Variants in HRURF observed in about 807,000 individuals in gnomAD.
HRURF encodes protein HRURF.
At chr8:22,130,695 G>C (rs1432152468) in exon 1 of HRURF, 1 of 152,354 alleles carries the variant, frequency 6.6e-6, no homozygotes. Context: ...GGCCGAGGCC[G>C]TAGGTTGCGC....
At chr8:22,130,861 A>AG (rs963991168), upstream of HRURF, 3 of 152,046 alleles carry the variant, frequency 2.0e-5, no homozygotes, top group Non-Finnish European at 4.4e-5. Flanking sequence ...GGGCCGGGGA[A>AG]GGGGGTCGTG....
chr8:22,130,479 GCACC>G (rs1827022593), downstream of HRURF: 1 of 152,204 alleles, frequency 6.6e-6, no homozygotes. Flanking sequence ...GTCGTGGCCG[GCACC>G]GGGCGCCTGC....
chr8:22,130,720 A>G (rs147674174), upstream of HRURF: 2,409 of 151,986 alleles, frequency 0.016, 19 homozygotes, highest in Non-Finnish European at 0.02. Context: ...GGACGCCGAG[A>G]CTCCGTGCTG....
upstream of HRURF, chr8:22,131,009 C>T (rs1424964196): frequency 6.6e-6 from 1 of 152,078 alleles, no homozygotes; most frequent in Non-Finnish European, 1.5e-5. Flanking sequence ...AGAAGCGCAA[C>T]TGAGAGTGGG....
At chr8:22,130,476 C>G (rs1314498451), downstream of HRURF, 1 of 152,208 alleles carries the variant, frequency 6.6e-6, no homozygotes, top group African/African-American at 2.4e-5. Flanking sequence ...GTCGTCGTGG[C>G]CGGCACCGGG....
chr8:22,130,975 G>C (rs1165079738), upstream of HRURF: 1 of 152,348 alleles, frequency 6.6e-6, no homozygotes, highest in East Asian at 1.9e-4. Context: ...GGAGAGCGCA[G>C]CAGGACCTCT....
At chr8:22,130,484 G>C (rs1302722101), downstream of HRURF, 1 of 152,196 alleles carries the variant, frequency 6.6e-6, no homozygotes, top group East Asian at 1.9e-4. Flanking sequence ...GGCCGGCACC[G>C]GGCGCCTGCT....
At chr8:22,131,002 A>C (rs6557841), upstream of HRURF, 98,439 of 152,186 alleles carry the variant, frequency 0.65, 32,486 homozygotes, top group African/African-American at 0.77. Flanking sequence ...CATCGCCAGA[A>C]GCGCAACTGA....
chr8:22,130,718 A>G (rs1827030540), upstream of HRURF: 1 of 152,160 alleles, frequency 6.6e-6, no homozygotes, highest in Non-Finnish European at 1.5e-5. Context: ...TGGGACGCCG[A>G]GACTCCGTGC....
At chr8:22,130,894 T>G (rs1827036045), upstream of HRURF, 1 of 152,156 alleles carries the variant, frequency 6.6e-6, no homozygotes, top group Non-Finnish European at 1.5e-5. Context: ...GGGCCGATCC[T>G]GGGACCCAGG....
At chr8:22,130,954 T>C (rs1487387777), upstream of HRURF, 4 of 152,164 alleles carry the variant, frequency 2.6e-5, no homozygotes, top group Admixed American at 2.6e-4. Context: ...CTAATGGAGG[T>C]AGAGCGCGGC....
upstream of HRURF, chr8:22,130,761 G>A (rs1256592439): frequency 6.6e-6 from 1 of 152,196 alleles, no homozygotes; most frequent in African/African-American, 2.4e-5. Context: ...CGGGGCTAGG[G>A]AGCGGGTGCC....
At chr8:22,130,846 C>G (rs1227563086), upstream of HRURF, 1 of 152,206 alleles carries the variant, frequency 6.6e-6, no homozygotes, top group African/African-American at 2.4e-5. Context: ...GGGGGAAAGG[C>G]CGAGGGGCCG....
At chr8:22,130,741 A>AGGGCC (rs1827031032), upstream of HRURF, 2 of 151,426 alleles carry the variant, frequency 1.3e-5, no homozygotes, top group Admixed American at 6.6e-5. Context: ...CGCCGCGGGG[A>AGGGCC]GGGCCGGGCC....
exon 1 of HRURF, chr8:22,130,666 T>C (rs1169809075): frequency 2.6e-5 from 4 of 152,118 alleles, no homozygotes; most frequent in Non-Finnish European, 2.9e-5. Flanking sequence ...ACGGCGCGGA[T>C]CGGCCGCACC....
At chr8:22,130,678 G>A (rs968769172) in exon 1 of HRURF, 1 of 152,436 alleles carries the variant, frequency 6.6e-6, no homozygotes, top group South Asian at 2.1e-4. Flanking sequence ...GGCCGCACCA[G>A]CTTCTGGGCC....
At chr8:22,130,854 C>G (rs941306775), upstream of HRURF, 1 of 152,220 alleles carries the variant, frequency 6.6e-6, no homozygotes, top group South Asian at 2.1e-4. Context: ...GGCCGAGGGG[C>G]CGGGGAAGGG....
chr8:22,130,797 C>T (rs1391238881), upstream of HRURF: 1 of 151,924 alleles, frequency 6.6e-6, no homozygotes, highest in Non-Finnish European at 1.5e-5. Context: ...GGCGCCGGGC[C>T]GGGGGGAACA....
chr8:22,130,714 G>C (rs924331631), upstream of HRURF: 1 of 152,298 alleles, frequency 6.6e-6, no homozygotes, highest in Non-Finnish European at 1.5e-5. Flanking sequence ...GCCATGGGAC[G>C]CCGAGACTCC....
Sources: allele counts gnomAD v4.1 joint callset, GRCh38; gene constraint gnomAD v4.1.1; transcripts MANE v1.5; gene names NCBI Gene and HGNC (gene_info 2026-07-23, HGNC 2026-07-21).